Variants in PRELID2 observed in about 807,000 individuals in gnomAD.
The protein encoded by PRELID2 is PRELI domain containing 2.
In PRELID2, 25 loss-of-function variants were observed where a neutral mutation model predicts 28.4. That is an observed-to-expected ratio of 0.88 (90% CI 0.64 to 1.23). PRELID2 has a LOEUF of 1.23. Ranked by LOEUF, PRELID2 falls within the 50% of genes most tolerant of loss-of-function variation. The pLI is 0.00. For missense variants in PRELID2, 201 were observed against 214.4 expected (o/e 0.94, Z 0.39); for synonymous variants, 76 against 71.6 (o/e 1.06, Z -0.31).
At chr5:145,268,094 C>G in the PRELID2 span, among the ~76,000 whole-genome samples, 1 of 151,944 alleles carries the variant, frequency 6.6e-6, no homozygotes, top group Admixed American at 6.6e-5. Flanking sequence ...TAGGTTGTCT[C>G]TTTACTTTGT....
At chr5:145,246,523 G>A in the PRELID2 span, among the ~76,000 whole-genome samples, 4 of 151,984 alleles carry the variant, frequency 2.6e-5, no homozygotes, top group Non-Finnish European at 5.9e-5. Flanking sequence ...GCCTCTCTGG[G>A]GAAAGGCAAT....
the PRELID2 span, among the ~76,000 whole-genome samples, chr5:145,382,868 T>G: frequency 6.6e-6 from 1 of 151,732 alleles, no homozygotes; most frequent in Admixed American, 6.6e-5. Flanking sequence ...AAATAAAAAT[T>G]TGAAATTTTA....
chr5:145,740,293 TATATATATATATATATATATATATATAA>T (rs1319501094), intron 1 of PRELID2, among the ~76,000 whole-genome samples: 1 of 93,646 alleles, frequency 1.1e-5, no homozygotes, highest in African/African-American at 4.4e-5. Context: ...TATATATATA[TATATATATATATATATATATATATATAA>T]ATCCTAAATG....
intron 1 of PRELID2, among the ~76,000 whole-genome samples, chr5:145,741,765 T>C (rs1248278018): frequency 8.5e-6 from 1 of 117,032 alleles, no homozygotes; most frequent in Non-Finnish European, 1.6e-5. Flanking sequence ...AATTTATTTA[T>C]ATATAAATAA....
chr5:145,833,821 G>A (rs1397790954), intron 1 of PRELID2, among the ~76,000 whole-genome samples: 1 of 152,212 alleles, frequency 6.6e-6, no homozygotes, highest in Non-Finnish European at 1.5e-5. Flanking sequence ...AAGGCAAATT[G>A]CAACTGTTGC....
intron 1 of PRELID2, among the ~76,000 whole-genome samples, chr5:145,740,634 T>C (rs1439025453): frequency 9.0e-6 from 1 of 111,408 alleles, no homozygotes. Context: ...ATATTATATA[T>C]ATAAATATAT....
chr5:145,605,953 T>A (rs1753497945), intron 1 of PRELID2, among the ~76,000 whole-genome samples: 1 of 152,098 alleles, frequency 6.6e-6, no homozygotes, highest in Admixed American at 6.6e-5. Flanking sequence ...TCAGCAGATT[T>A]TTTTAATTCT....
At chr5:145,238,241 G>A in the PRELID2 span, among the ~76,000 whole-genome samples, 5 of 152,238 alleles carry the variant, frequency 3.3e-5, no homozygotes, top group South Asian at 2.1e-4. Context: ...TATTCTAGGA[G>A]GCTAAATGCT....
chr5:145,462,791 C>G, the PRELID2 span, among the ~76,000 whole-genome samples: 3 of 152,228 alleles, frequency 2.0e-5, no homozygotes. Flanking sequence ...GTTACTCTTT[C>G]TGAGTTCAAG....
chr5:145,560,507 C>A (rs1752917440), intron 1 of PRELID2, among the ~76,000 whole-genome samples: 1 of 152,170 alleles, frequency 6.6e-6, no homozygotes, highest in Admixed American at 6.5e-5. Context: ...ACACGTGCTG[C>A]TGACCCACTA....
intron 1 of PRELID2, among the ~76,000 whole-genome samples, chr5:145,620,807 G>A (rs892540067): frequency 1.6e-4 from 25 of 151,758 alleles, no homozygotes; most frequent in African/African-American, 5.6e-4. Context: ...TTTGGGTGTC[G>A]GAGTAAGACC....
chr5:145,601,371 A>C (rs1306042925), intron 1 of PRELID2, among the ~76,000 whole-genome samples: 1 of 152,108 alleles, frequency 6.6e-6, no homozygotes, highest in Non-Finnish European at 1.5e-5. Flanking sequence ...TAAGGTCTAA[A>C]ATCACCAGCC....
chr5:145,412,839 A>T, the PRELID2 span, among the ~76,000 whole-genome samples: 1 of 152,298 alleles, frequency 6.6e-6, no homozygotes, highest in South Asian at 2.1e-4. Context: ...GAAACTTACA[A>T]TCATGGCGGA....
chr5:145,584,953 A>T (rs572484120), intron 1 of PRELID2, among the ~76,000 whole-genome samples: 164 of 152,336 alleles, frequency 1.1e-3, no homozygotes, highest in African/African-American at 3.9e-3. Context: ...CCAAAGTAAT[A>T]TAAATCATTC....
chr5:145,383,390 ATG>A, the PRELID2 span, among the ~76,000 whole-genome samples: 50 of 148,570 alleles, frequency 3.4e-4, no homozygotes, highest in Admixed American at 4.0e-4. Context: ...ACATATGTGG[ATG>A]TGTGTGTGTG....
the PRELID2 span, among the ~76,000 whole-genome samples, chr5:145,327,994 C>T: frequency 7.2e-5 from 11 of 151,870 alleles, no homozygotes; most frequent in Non-Finnish European, 1.2e-4. Context: ...TCCCTGTGTT[C>T]TCATTGTTCA....
intron 1 of PRELID2, among the ~76,000 whole-genome samples, chr5:145,476,221 G>C (rs571567945): frequency 6.6e-6 from 1 of 152,272 alleles, no homozygotes; most frequent in South Asian, 2.1e-4. Flanking sequence ...ATTTATTTTT[G>C]AACTGCCCAT....
chr5:145,807,289 C>T (rs1217660782), intron 4 of PRELID2, among the ~76,000 whole-genome samples: 1 of 152,166 alleles, frequency 6.6e-6, no homozygotes, highest in African/African-American at 2.4e-5. Flanking sequence ...TCATCGAATG[C>T]TCTCTTAGCT....
intron 1 of PRELID2, among the ~76,000 whole-genome samples, chr5:145,714,518 G>A (rs1041978365): frequency 8.6e-5 from 13 of 151,994 alleles, no homozygotes; most frequent in Non-Finnish European, 1.5e-5. Context: ...CAGGAAGCTA[G>A]GACCTCTTCC....
Sources: gnomAD v4.1 joint callset for allele counts (sites outside exome capture counted in the v4.1 genomes callset) on GRCh38, gnomAD v4.1.1 for gene constraint, MANE v1.5 for transcripts, NCBI Gene and HGNC (gene_info 2026-07-23, HGNC 2026-07-21) for gene names.